Variants in NXPE2 observed in about 807,000 individuals in gnomAD.
The protein encoded by NXPE2 is NXPE family member 2.
Under a neutral mutation model 34.4 loss-of-function variants are expected in NXPE2, and 34 were observed. The observed-to-expected ratio is 0.99, with a 90% CI of 0.75 to 1.31. NXPE2 has a LOEUF of 1.31. Ranked by LOEUF, NXPE2 falls within the 40% of genes most tolerant of loss-of-function variation. NXPE2 has a pLI of 0.00. For missense variants in NXPE2, 649 were observed against 672.5 expected, an observed-to-expected ratio of 0.97 and a Z score of 0.39; for synonymous variants, 235 against 231.3, an observed-to-expected ratio of 1.02 and a Z score of -0.15.
At chr11:114,798,711 CTTTTCATAGTTAA>C in the NXPE2 span, among the ~76,000 whole-genome samples, 1 of 152,226 alleles carries the variant, frequency 6.6e-6, no homozygotes, top group Non-Finnish European at 1.5e-5. Context: ...CCTTTTGCTA[CTTTTCATAGTTAA>C]TAAACCATAT....
At chr11:114,725,976 A>ATATATATATATATATATAT in the NXPE2 span, among the ~76,000 whole-genome samples, 117 of 101,692 alleles carry the variant, frequency 1.2e-3, 6 homozygotes, top group Non-Finnish European at 1.7e-3. Flanking sequence ...ATAAAAAAAA[A>ATATATATATATATATATAT]ATATATATAT....
the NXPE2 span, among the ~76,000 whole-genome samples, chr11:114,791,823 G>A: frequency 1.3e-5 from 2 of 152,116 alleles, no homozygotes; most frequent in African/African-American, 2.4e-5. Context: ...TTGGGAGGCC[G>A]AGGCGGGCGG....
chr11:114,551,224 A>T, the NXPE2 span: 7 of 1,485,900 alleles, frequency 4.7e-6, no homozygotes, highest in Non-Finnish European at 6.4e-6. Flanking sequence ...AGGAGAGATG[A>T]CACAAGAGAG....
At chr11:114,602,414 A>G in the NXPE2 span, among the ~76,000 whole-genome samples, 1 of 132,674 alleles carries the variant, frequency 7.5e-6, no homozygotes, top group Non-Finnish European at 1.5e-5. Context: ...ACACTATTGA[A>G]CATATCAATA....
upstream of NXPE2, among the ~76,000 whole-genome samples, chr11:114,675,691 T>C (rs560515038): frequency 6.6e-6 from 1 of 152,050 alleles, no homozygotes; most frequent in South Asian, 2.1e-4. Flanking sequence ...ATTCTACAGA[T>C]TTAACGTCAT....
chr11:114,783,487 C>T, the NXPE2 span, among the ~76,000 whole-genome samples: 2 of 152,172 alleles, frequency 1.3e-5, no homozygotes, highest in African/African-American at 4.8e-5. Context: ...CCATTACAAC[C>T]CTTCTCAACC....
chr11:114,697,952 C>A (rs1951289790), intron 2 of NXPE2, 93 bp from the exon 3 acceptor site: 2 of 1,181,510 alleles, frequency 1.7e-6, no homozygotes, highest in Non-Finnish European at 2.2e-6. Context: ...ATTTATCACA[C>A]TGAAAGATGT....
the NXPE2 span, among the ~76,000 whole-genome samples, chr11:114,735,917 C>T: frequency 1.0e-3 from 159 of 152,158 alleles, no homozygotes; most frequent in African/African-American, 3.5e-3. Context: ...AAGCGTCCGC[C>T]GGTTTGAGAA....
At chr11:114,779,916 GAAACCAATTTCTCGTGA>G in the NXPE2 span, among the ~76,000 whole-genome samples, 1 of 152,076 alleles carries the variant, frequency 6.6e-6, no homozygotes, top group Non-Finnish European at 1.5e-5. Context: ...TCCCTGCCCA[GAAACCAATTTCTCGTGA>G]AAACACTCCA....
chr11:114,554,082 C>T, the NXPE2 span: 6 of 985,320 alleles, frequency 6.1e-6, no homozygotes, highest in Admixed American at 1.8e-4. Flanking sequence ...AGAAACTTGG[C>T]CACTATCTGA....
At chr11:114,548,416 G>T in the NXPE2 span, among the ~76,000 whole-genome samples, 1 of 151,852 alleles carries the variant, frequency 6.6e-6, no homozygotes, top group Non-Finnish European at 1.5e-5. Flanking sequence ...CTATATCTTA[G>T]GTCATGAAGA....
chr11:114,558,853 G>T, the NXPE2 span, among the ~76,000 whole-genome samples: 6 of 152,260 alleles, frequency 3.9e-5, no homozygotes, highest in East Asian at 1.2e-3. Flanking sequence ...TTCTCAGTCA[G>T]GTCCATAAAG....
At chr11:114,676,753 G>A (rs1950862417), upstream of NXPE2, among the ~76,000 whole-genome samples, 1 of 152,008 alleles carries the variant, frequency 6.6e-6, no homozygotes, top group Non-Finnish European at 1.5e-5. Context: ...TCCCGCTAAT[G>A]GGTATATATC....
chr11:114,775,384 A>AG, the NXPE2 span, among the ~76,000 whole-genome samples: 12 of 152,250 alleles, frequency 7.9e-5, no homozygotes, highest in South Asian at 8.3e-4. Flanking sequence ...AGCAGTTGTT[A>AG]GGGGGGGCAA....
the NXPE2 span, among the ~76,000 whole-genome samples, chr11:114,486,422 G>C: frequency 6.6e-6 from 1 of 152,174 alleles, no homozygotes; most frequent in Non-Finnish European, 1.5e-5. Flanking sequence ...TGAGTAGGTT[G>C]CAAATATTTT....
At chr11:114,746,005 T>G in the NXPE2 span, among the ~76,000 whole-genome samples, 1 of 152,136 alleles carries the variant, frequency 6.6e-6, no homozygotes, top group Non-Finnish European at 1.5e-5. Flanking sequence ...ATACATTTTG[T>G]ATAAATATAA....
At chr11:114,638,842 T>C in the NXPE2 span, among the ~76,000 whole-genome samples, 1,860 of 151,906 alleles carry the variant, frequency 0.012, 37 homozygotes, top group African/African-American at 0.041. Context: ...CTCAGTGGAG[T>C]ACCCAGCCGT....
the NXPE2 span, among the ~76,000 whole-genome samples, chr11:114,725,971 A>AT: frequency 3.5e-3 from 198 of 56,530 alleles, no homozygotes; most frequent in African/African-American, 0.01. Flanking sequence ...GTATAATAAA[A>AT]AAAAAATATA....
At chr11:114,571,186 G>A in the NXPE2 span, 1 of 1,613,844 alleles carries the variant, frequency 6.2e-7, no homozygotes. Flanking sequence ...GGGCTTCTCA[G>A]AAGAAGATGC....
Sources: allele counts gnomAD v4.1 joint callset (sites outside exome capture counted in the v4.1 genomes callset), GRCh38; gene constraint gnomAD v4.1.1; transcripts MANE v1.5; gene names NCBI Gene and HGNC (gene_info 2026-07-23, HGNC 2026-07-21).